The following LMX1A variants were observed in gnomAD, a reference collection of about 807,000 sequenced individuals.
LMX1A encodes the protein LIM homeobox transcription factor 1-alpha.
In LMX1A, 15 loss-of-function variants were observed where a neutral mutation model predicts 49.1. That is an observed-to-expected ratio of 0.31 (90% CI 0.20 to 0.47). LMX1A has a LOEUF of 0.47. Ranked by LOEUF, LMX1A falls within the 20% of genes least tolerant of loss-of-function variation. The probability of loss-of-function intolerance (pLI) is 1.00; values close to 1 mark genes in which losing one functional copy is unlikely to be tolerated. For missense variants in LMX1A, 372 were observed against 475.8 expected (o/e 0.78, Z 2.03); for synonymous variants, 167 against 185.7 (o/e 0.90, Z 0.82).
chr1:165,355,875 G>A lies in LMX1A; in HGVS notation c.-22-294C>T. ...ACCCCCACCTACATCCCTTGCCCCA[G>A]GTTTTCCATCCCGAATCCGACTCCG... is the stretch of plus-strand genomic sequence containing the variant. On this transcript the variant is annotated intron_variant, in intron 1 of 8. Transcript: ENST00000342310. This position sits in a 1 kb window ranked among gnomAD's most constrained non-coding sequence, Gnocchi z 4.7. The A allele has an allele frequency of 2.5e-6, 1 of 392,748 alleles. No homozygotes were observed. Among genetic ancestry groups the A allele is most frequent in the Middle Eastern group, 6.8e-4 (1 of 1,478 alleles). 24.3% of individuals were successfully genotyped at this position (392,748 alleles called of 1,614,324 possible).
chr1:165,341,240 G>T (rs1414662057), intron 3 of LMX1A, among the ~76,000 whole-genome samples: 1 of 152,144 alleles, frequency 6.6e-6, no homozygotes, highest in Non-Finnish European at 1.5e-5. Context: ...TCTTGATGTT[G>T]TGGCACCACC....
At chr1:165,251,482 G>A (rs1017816877) in intron 3 of LMX1A, among the ~76,000 whole-genome samples, 3 of 152,162 alleles carry the variant, frequency 2.0e-5, no homozygotes, top group African/African-American at 7.2e-5. Flanking sequence ...TGAGTGAGCA[G>A]CTGAGAAATT....
intron 3 of LMX1A, among the ~76,000 whole-genome samples, chr1:165,329,829 A>G (rs1655694150): frequency 6.6e-6 from 1 of 152,202 alleles, no homozygotes; most frequent in Non-Finnish European, 1.5e-5. Flanking sequence ...TCAAACAATC[A>G]AAAATGTTAT....
chr1:165,204,590 A>G (rs2102591932), intron 8 of LMX1A, among the ~76,000 whole-genome samples: 1 of 152,368 alleles, frequency 6.6e-6, no homozygotes, highest in Non-Finnish European at 1.5e-5. Context: ...AGTAGGGCAC[A>G]CATTGGAACA....
intron 3 of LMX1A, among the ~76,000 whole-genome samples, chr1:165,268,509 C>T (rs1653693548): frequency 6.6e-6 from 1 of 152,160 alleles, no homozygotes; most frequent in Non-Finnish European, 1.5e-5. Context: ...ACCAAGATCA[C>T]TAGTAAATAT....
At chr1:165,332,028 G>A (rs917644938) in intron 3 of LMX1A, among the ~76,000 whole-genome samples, 6 of 152,104 alleles carry the variant, frequency 3.9e-5, no homozygotes, top group African/African-American at 1.4e-4. Flanking sequence ...ATAGTTCCAA[G>A]GCTCTTACAT....
intron 4 of LMX1A, among the ~76,000 whole-genome samples, chr1:165,242,169 AG>A (rs1652677597): frequency 6.6e-6 from 1 of 152,256 alleles, no homozygotes. Flanking sequence ...GCACCATGTT[AG>A]GGCCAGATGA....
chr1:165,309,096 G>A (rs764890510), intron 3 of LMX1A, among the ~76,000 whole-genome samples: 13 of 151,964 alleles, frequency 8.6e-5, no homozygotes, highest in Non-Finnish European at 1.6e-4. Flanking sequence ...TGATTGGAGG[G>A]GAGCCCCCTC....
intron 3 of LMX1A, among the ~76,000 whole-genome samples, chr1:165,347,999 G>C (rs1034224393): frequency 7.9e-6 from 1 of 127,076 alleles, no homozygotes; most frequent in Non-Finnish European, 1.9e-5. Flanking sequence ...CAATCAAGAG[G>C]CTTCCCTGAA....
intron 3 of LMX1A, among the ~76,000 whole-genome samples, chr1:165,349,023 GC>G (rs1308384438): frequency 6.6e-6 from 1 of 152,182 alleles, no homozygotes; most frequent in Non-Finnish European, 1.5e-5. Context: ...TATGAGAACA[GC>G]CCTGATGACA....
intron 4 of LMX1A, among the ~76,000 whole-genome samples, chr1:165,220,158 AAAG>A (rs1219658324): frequency 5.9e-5 from 9 of 152,242 alleles, no homozygotes; most frequent in African/African-American, 2.2e-4. Flanking sequence ...AGGGGATAAA[AAAG>A]AAGAACCCCT....
At chr1:165,353,438 G>C (rs550288279) in intron 2 of LMX1A, among the ~76,000 whole-genome samples, 176 bp from the exon 3 acceptor site, 1 of 152,186 alleles carries the variant, frequency 6.6e-6, no homozygotes, top group Non-Finnish European at 1.5e-5. Context: ...GCCAAGTGGC[G>C]TTTCTAATAA....
intron 3 of LMX1A, among the ~76,000 whole-genome samples, chr1:165,347,971 C>T (rs1361891811): frequency 7.9e-6 from 1 of 127,182 alleles, no homozygotes; most frequent in Non-Finnish European, 1.9e-5. Flanking sequence ...CAAAAACCTT[C>T]CCAGAATTAA....
chr1:165,334,395 G>A (rs1655840043), intron 3 of LMX1A, among the ~76,000 whole-genome samples: 1 of 152,096 alleles, frequency 6.6e-6, no homozygotes, highest in Non-Finnish European at 1.5e-5. Context: ...ATAACAGTAA[G>A]TTTTAAGTTA....
intron 4 of LMX1A, among the ~76,000 whole-genome samples, chr1:165,217,658 T>A (rs1651691518): frequency 6.6e-6 from 1 of 152,182 alleles, no homozygotes. Flanking sequence ...AAAGTGGGTC[T>A]CCCACAGTGC....
intron 3 of LMX1A, among the ~76,000 whole-genome samples, chr1:165,256,480 C>G (rs1653246345): frequency 1.3e-5 from 2 of 152,298 alleles, no homozygotes; most frequent in Admixed American, 6.5e-5. Context: ...CCATTCACAC[C>G]TAAATTCAGG....
chr1:165,272,035 A>G (rs59911715), intron 3 of LMX1A, among the ~76,000 whole-genome samples: 7,414 of 152,054 alleles, frequency 0.049, 280 homozygotes, highest in East Asian at 0.12. Flanking sequence ...GTTTCGGGGT[A>G]CATGTGCAGG....
At chr1:165,230,413 C>G (rs1652198872) in intron 4 of LMX1A, among the ~76,000 whole-genome samples, 1 of 152,098 alleles carries the variant, frequency 6.6e-6, no homozygotes, top group African/African-American at 2.4e-5. Flanking sequence ...GGAAACCCCC[C>G]CAGTTTGCTA....
At chr1:165,214,321 T>C (rs1571151292) in intron 4 of LMX1A, among the ~76,000 whole-genome samples, 1 of 152,348 alleles carries the variant, frequency 6.6e-6, no homozygotes, top group South Asian at 2.1e-4. Flanking sequence ...TCTGCCATGA[T>C]TGAAAGCTCC....
Sources: allele counts gnomAD v4.1 joint callset (sites outside exome capture counted in the v4.1 genomes callset), GRCh38; gene constraint gnomAD v4.1.1; non-coding constraint Gnocchi (gnomAD v3.1); transcripts MANE v1.5; gene names NCBI Gene and HGNC (gene_info 2026-07-23, HGNC 2026-07-21).